The following MECOM variants were observed in gnomAD, a reference collection of about 807,000 sequenced individuals.
The protein encoded by MECOM is MDS1 and EVI1 complex locus, also known as histone-lysine N-methyltransferase MECOM.
Under a neutral mutation model 116.3 loss-of-function variants are expected in MECOM, and 13 were observed. The ratio of observed to expected loss-of-function variants is 0.11; its 90% CI spans 0.07 to 0.18. The LOEUF is 0.18. MECOM is among the 10% of genes least tolerant of loss of function. MECOM has a pLI of 1.00. For missense variants in MECOM, 1,299 were observed against 1,509.0 expected, an observed-to-expected ratio of 0.86 and a Z score of 2.31; for synonymous variants, 528 against 535.2, an observed-to-expected ratio of 0.99 and a Z score of 0.19.
chr3:169,504,182 T>C (rs1481106247), intron 1 of MECOM, among the ~76,000 whole-genome samples: 1 of 140,934 alleles, frequency 7.1e-6, no homozygotes. Context: ...TGTGTGTGTG[T>C]GTGTGTGTGT....
intron 2 of MECOM, among the ~76,000 whole-genome samples, chr3:169,188,080 C>G (rs1022646602): frequency 6.6e-6 from 1 of 151,848 alleles, no homozygotes; most frequent in Admixed American, 6.6e-5. Flanking sequence ...CTTAGATTCC[C>G]GTAATAAAAT....
intron 1 of MECOM, among the ~76,000 whole-genome samples, chr3:169,540,298 C>T (rs952024044): frequency 1.3e-5 from 2 of 152,124 alleles, no homozygotes. Context: ...CTCCCACAAC[C>T]AAGCAGGAGT....
intron 5 of MECOM, among the ~76,000 whole-genome samples, chr3:169,124,552 ATAATAT>A (rs1029953318): frequency 9.4e-5 from 3 of 31,954 alleles, no homozygotes; most frequent in African/African-American, 3.0e-4. Flanking sequence ...TGAATATTTG[ATAATAT>A]TAAGAAATTA....
At chr3:169,627,131 T>C (rs1159277004) in intron 1 of MECOM, among the ~76,000 whole-genome samples, 2 of 152,176 alleles carry the variant, frequency 1.3e-5, no homozygotes, top group Non-Finnish European at 2.9e-5. Flanking sequence ...CCTTAAACAA[T>C]GCTAATGTAT....
intron 1 of MECOM, among the ~76,000 whole-genome samples, chr3:169,442,111 A>G (rs1743834331): frequency 6.6e-6 from 1 of 152,164 alleles, no homozygotes; most frequent in Non-Finnish European, 1.5e-5. Flanking sequence ...TTTTTAGTAG[A>G]GACAGGGTTT....
At chr3:169,464,450 C>T (rs1042943771) in intron 1 of MECOM, among the ~76,000 whole-genome samples, 103 of 152,146 alleles carry the variant, frequency 6.8e-4, no homozygotes, top group African/African-American at 2.1e-3. Context: ...CAGGATGTCT[C>T]GCCGTGTAGA....
intron 1 of MECOM, among the ~76,000 whole-genome samples, chr3:169,661,088 G>A (rs1013118400): frequency 1.3e-5 from 2 of 152,188 alleles, no homozygotes; most frequent in Non-Finnish European, 2.9e-5. Context: ...TGGACTGTGC[G>A]TGCGGGAATA....
intron 1 of MECOM, among the ~76,000 whole-genome samples, chr3:169,404,106 A>G (rs1222585782): frequency 1.3e-5 from 2 of 152,218 alleles, no homozygotes; most frequent in East Asian, 1.9e-4. Flanking sequence ...CTGAGATCAT[A>G]TTGCGATAAA....
chr3:169,312,132 C>T lies in MECOM; in HGVS notation c.375+69055G>A, dbSNP rs144283556. Among the ~76,000 whole-genome samples, 3 of 152,192 alleles carry T rather than the reference C, an allele frequency of 2.0e-5. No homozygotes were observed. In the East Asian group the frequency reaches 5.8e-4, roughly 29 times the overall value. Reference sequence around the variant, plus strand: ...ACTAACTTATGTTTTTAATCAGTCACCTTGGTTGCAATGTGGAGAACAGAT... The same window carrying T: ...ACTAACTTATGTTTTTAATCAGTCATCTTGGTTGCAATGTGGAGAACAGAT... On this transcript the variant is annotated intron_variant, in intron 2 of 16. Transcript: ENST00000651503.
chr3:169,521,887 TTTG>T (rs1757390276), intron 1 of MECOM, among the ~76,000 whole-genome samples: 1 of 152,202 alleles, frequency 6.6e-6, no homozygotes, highest in Non-Finnish European at 1.5e-5. Context: ...AGAATTTTTT[TTTG>T]TTGTTATTCC....
rs184109229 is a variant in MECOM, at chr3:169,571,566, G to A, written c.37+91770C>T. On this transcript the variant is annotated intron_variant, in intron 1 of 16. Transcript: ENST00000651503. ...CTAAGCAAAAAGAACAAAGCTGGAG[G>A]CATCACGCTACCTGACTTCAAACTA... Among the ~76,000 whole-genome samples, 78 of 152,262 alleles carry A rather than the reference G, an allele frequency of 5.1e-4. 2 individuals carry two copies. Among genetic ancestry groups the A allele is most frequent in the Non-Finnish European group, 8.8e-4 (60 of 68,012 alleles).
At chr3:169,418,129 A>G (rs912563357) in intron 1 of MECOM, among the ~76,000 whole-genome samples, 1 of 151,866 alleles carries the variant, frequency 6.6e-6, no homozygotes, top group African/African-American at 2.4e-5. Context: ...ACTAAACAAA[A>G]AAAAAAAAAG....
intron 1 of MECOM, among the ~76,000 whole-genome samples, chr3:169,636,997 A>G (rs1365999947): frequency 6.6e-6 from 1 of 151,972 alleles, no homozygotes; most frequent in African/African-American, 2.4e-5. Context: ...CCTCTTCTCA[A>G]ATCTGGGTTG....
At chr3:169,468,480 C>T (rs1748674039) in intron 1 of MECOM, among the ~76,000 whole-genome samples, 4 of 146,100 alleles carry the variant, frequency 2.7e-5, no homozygotes, top group Admixed American at 2.7e-4. Context: ...TAGATTGGGA[C>T]CATATTTGTC....
intron 1 of MECOM, among the ~76,000 whole-genome samples, chr3:169,422,049 T>C (rs1739860137): frequency 6.6e-6 from 1 of 152,132 alleles, no homozygotes; most frequent in East Asian, 1.9e-4. Flanking sequence ...ATAACAATTG[T>C]AAGTTTTATT....
chr3:169,378,454 A>C lies in MECOM; in HGVS notation c.375+2733T>G, dbSNP rs867496609. ...GAAAGAAAGAAAGAAAGAAAGAAGGAAAGCAAGCAAGCAAGCAAGCAAGAA... is the reference window on the plus strand; with the variant it reads ...GAAAGAAAGAAAGAAAGAAAGAAGGCAAGCAAGCAAGCAAGCAAGCAAGAA... On this transcript the variant is annotated intron_variant, in intron 2 of 16. Transcript: ENST00000651503. Among the ~76,000 whole-genome samples the C allele has an allele frequency of 3.7e-4, 20 of 54,536 alleles. 2 individuals are homozygous for C. The South Asian group carries it at 5.3e-3, about 15-fold the overall frequency. The allele number at this position is 54,536 out of a possible 152,430, so 35.8% of individuals were successfully genotyped here. A position where few individuals can be genotyped will look rare whatever the true frequency, so the allele number is the denominator to read the frequency against.
At chr3:169,336,848 T>C in intron 2 of MECOM, among the ~76,000 whole-genome samples, 1 of 152,158 alleles carries the variant, frequency 6.6e-6, no homozygotes, top group Admixed American at 6.6e-5. Flanking sequence ...TCAGAGATAC[T>C]ACCTTTATGT....
At chr3:169,527,133 G>T (rs532140268) in intron 1 of MECOM, among the ~76,000 whole-genome samples, 21 of 152,272 alleles carry the variant, frequency 1.4e-4, no homozygotes, top group African/African-American at 5.1e-4. Context: ...TCTCAAAACT[G>T]GATATTTCGA....
intron 1 of MECOM, among the ~76,000 whole-genome samples, chr3:169,457,493 A>G (rs1237161102): frequency 2.0e-5 from 3 of 152,182 alleles, no homozygotes; most frequent in African/African-American, 7.2e-5. Flanking sequence ...TCACCTAAAA[A>G]TTATTCACTC....
Sources: gnomAD v4.1 joint callset for allele counts (sites outside exome capture counted in the v4.1 genomes callset) on GRCh38, gnomAD v4.1.1 for gene constraint, MANE v1.5 for transcripts, NCBI Gene and HGNC (gene_info 2026-07-23, HGNC 2026-07-21) for gene names.